SMIM10L3: variants seen among roughly 807,000 people sequenced by gnomAD.
SMIM10L3 encodes the protein salivary gland specific protein SAGSIN1.
the SMIM10L3 span, among the ~76,000 whole-genome samples, chr7:6,335,329 T>C: frequency 6.6e-6 from 1 of 151,770 alleles, no homozygotes; most frequent in Non-Finnish European, 1.5e-5. Flanking sequence ...TTCAAGTGAT[T>C]CTCCTGCCTC....
At chr7:6,348,509 G>C in the SMIM10L3 span, 2 of 411,884 alleles carry the variant, frequency 4.9e-6, no homozygotes, top group South Asian at 8.3e-5. Context: ...CGTGGCGTCT[G>C]CATCCCGCGG....
the SMIM10L3 span, chr7:6,330,970 G>A: frequency 1.2e-6 from 2 of 1,614,240 alleles, no homozygotes; most frequent in Non-Finnish European, 1.7e-6. Context: ...CATTTCCAGT[G>A]ATAATGCCTC....
chr7:6,339,514 C>T, the SMIM10L3 span, among the ~76,000 whole-genome samples: 1 of 151,504 alleles, frequency 6.6e-6, no homozygotes, highest in Non-Finnish European at 1.5e-5. Flanking sequence ...GACGGAGTCT[C>T]GCTCTGTCGC....
chr7:6,344,017 C>G, the SMIM10L3 span, among the ~76,000 whole-genome samples: 1 of 152,100 alleles, frequency 6.6e-6, no homozygotes, highest in Non-Finnish European at 1.5e-5. Flanking sequence ...TCCCAAGTAG[C>G]TGGGACTACA....
the SMIM10L3 span, among the ~76,000 whole-genome samples, chr7:6,343,008 G>A: frequency 6.6e-6 from 1 of 150,686 alleles, no homozygotes; most frequent in South Asian, 2.1e-4. Flanking sequence ...CTGCACTCCA[G>A]CCTGGATGAC....
the SMIM10L3 span, among the ~76,000 whole-genome samples, chr7:6,341,280 G>T: frequency 5.4e-5 from 8 of 148,378 alleles, no homozygotes; most frequent in Non-Finnish European, 1.0e-4. Context: ...CCATCTCTAC[G>T]AAAATACAAA....
chr7:6,340,896 CT>C, the SMIM10L3 span, among the ~76,000 whole-genome samples: 1 of 95,658 alleles, frequency 1.0e-5, no homozygotes. Context: ...GAGACTCCAT[CT>C]CAAAAAAAAA....
chr7:6,329,608 AAC>A, the SMIM10L3 span: 4 of 159,570 alleles, frequency 2.5e-5, no homozygotes, highest in African/African-American at 9.6e-5. Context: ...TAAAGTTATC[AAC>A]AGACGACAAC....
At chr7:6,336,202 TG>T in the SMIM10L3 span, among the ~76,000 whole-genome samples, 1 of 147,254 alleles carries the variant, frequency 6.8e-6, no homozygotes, top group African/African-American at 2.5e-5. Context: ...AAAGATTAGC[TG>T]GGGGTGGTGG....
chr7:6,344,828 C>T, the SMIM10L3 span, among the ~76,000 whole-genome samples: 1 of 151,844 alleles, frequency 6.6e-6, no homozygotes, highest in Non-Finnish European at 1.5e-5. Context: ...GTAACCTCCA[C>T]CTCCCAGGGT....
chr7:6,338,820 A>G, the SMIM10L3 span: 334 of 152,376 alleles, frequency 2.2e-3, 4 homozygotes, highest in East Asian at 0.032. Context: ...CTTGGCCCCA[A>G]TGTTTCTGAA....
At chr7:6,348,966 C>G in the SMIM10L3 span, 67 of 376,614 alleles carry the variant, frequency 1.8e-4, no homozygotes, top group East Asian at 7.4e-4. Flanking sequence ...GCCGCGCAGC[C>G]TGACGTCACA....
the SMIM10L3 span, chr7:6,330,563 C>T: frequency 0.53 from 857,966 of 1,613,740 alleles, 240,042 homozygotes; most frequent in East Asian, 0.91. Context: ...TCGGGATACA[C>T]GTGCAGCGTT....
At chr7:6,335,684 G>A in the SMIM10L3 span, among the ~76,000 whole-genome samples, 1 of 152,112 alleles carries the variant, frequency 6.6e-6, no homozygotes, top group Non-Finnish European at 1.5e-5. Context: ...TGTGGGACAT[G>A]CTGAAAAGTT....
At chr7:6,333,989 G>GGT in the SMIM10L3 span, among the ~76,000 whole-genome samples, 1 of 151,340 alleles carries the variant, frequency 6.6e-6, no homozygotes, top group Non-Finnish European at 1.5e-5. Flanking sequence ...TGGGACTACA[G>GGT]GCACCCGCCA....
the SMIM10L3 span, among the ~76,000 whole-genome samples, chr7:6,344,134 G>T: frequency 4.0e-5 from 6 of 148,458 alleles, no homozygotes; most frequent in Admixed American, 6.8e-5. Context: ...GGTAAAGCAT[G>T]TTCTGAAGAA....
At chr7:6,348,896 C>T in the SMIM10L3 span, 1 of 387,534 alleles carries the variant, frequency 2.6e-6, no homozygotes, top group Non-Finnish European at 4.6e-6. Context: ...CGCAGTGGAG[C>T]GGAGTCCGCA....
At chr7:6,331,866 G>C in the SMIM10L3 span, among the ~76,000 whole-genome samples, 23 of 147,862 alleles carry the variant, frequency 1.6e-4, no homozygotes, top group African/African-American at 5.7e-4. Flanking sequence ...TTAGCCTTTT[G>C]AGTAGCTGGG....
chr7:6,331,024 G>T, the SMIM10L3 span: 1 of 1,614,066 alleles, frequency 6.2e-7, no homozygotes, highest in Non-Finnish European at 8.5e-7. Context: ...CATCCAGGAG[G>T]GTGCATCTGC....
Sources: allele counts gnomAD v4.1 joint callset (sites outside exome capture counted in the v4.1 genomes callset), GRCh38; gene constraint gnomAD v4.1.1; transcripts MANE v1.5; gene names NCBI Gene and HGNC (gene_info 2026-07-23, HGNC 2026-07-21).